The following PABPC1 variants were observed in gnomAD, a reference collection of about 807,000 sequenced individuals.
PABPC1 encodes the protein poly(A) binding protein cytoplasmic 1.
A neutral mutation model predicts 74.0 loss-of-function variants in PABPC1; 4 were observed. The ratio of observed to expected loss-of-function variants is 0.05; its 90% CI spans 0.03 to 0.12. The LOEUF is 0.12. Among genes scored for constraint, PABPC1 ranks in the 10% least tolerant of loss-of-function variants. The pLI, the probability that PABPC1 is intolerant of heterozygous loss-of-function variation, is 1.00. For missense variants in PABPC1, 271 were observed against 821.1 expected, an observed-to-expected ratio of 0.33 and a Z score of 8.19; for synonymous variants, 227 against 264.1, an observed-to-expected ratio of 0.86 and a Z score of 1.36.
chr8:100,709,118 AG>A lies in PABPC1; in HGVS notation c.1336+14del, dbSNP rs749827301. On this transcript the variant is annotated intron_variant, in intron 9 of 14. Transcript: ENST00000318607. ...AACTCAATCCCCAACCTTAATTAAAAGAAAAAAGACTTACGATGAGGTCTGG... is the reference window on the plus strand; with the variant it reads ...AACTCAATCCCCAACCTTAATTAAAAAAAAAAGACTTACGATGAGGTCTGG... The A allele has an allele frequency of 6.3e-7, 1 of 1,580,564 alleles. No homozygotes were observed. Among genetic ancestry groups the A allele is most frequent in the South Asian group, 1.1e-5 (1 of 87,706 alleles).
chr8:100,720,945 A>G (rs1295532997), intron 1 of PABPC1, among the ~76,000 whole-genome samples: 2 of 152,120 alleles, frequency 1.3e-5, no homozygotes, highest in African/African-American at 2.4e-5. Context: ...AACACGTGGT[A>G]TTTTTCGAGC....
At chr8:100,713,915 G>GA in intron 4 of PABPC1, among the ~76,000 whole-genome samples, 1 of 106,030 alleles carries the variant, frequency 9.4e-6, no homozygotes, top group East Asian at 2.5e-4. Context: ...ACAGGAATTT[G>GA]AAAGACAGGG....
chr8:100,712,276 C>G, intron 7 of PABPC1, 86 bp downstream of exon 7: 1 of 754,234 alleles, frequency 1.3e-6, no homozygotes, highest in East Asian at 2.6e-5. Flanking sequence ...TCTCTAGTGG[C>G]TATAATAATA....
chr8:100,711,019 C>T (rs535655855), intron 7 of PABPC1, among the ~76,000 whole-genome samples: 96 of 152,214 alleles, frequency 6.3e-4, no homozygotes, highest in Non-Finnish European at 1.1e-3. Flanking sequence ...CAGCCAGGCA[C>T]GGTGGCTCAC....
At chr8:100,707,273 G>T (rs1563610072) in intron 9 of PABPC1, 3 of 282,046 alleles carry the variant, frequency 1.1e-5, no homozygotes, top group South Asian at 3.5e-5. Flanking sequence ...CAGAAATAAA[G>T]ACACGAGACA....
intron 7 of PABPC1, among the ~76,000 whole-genome samples, chr8:100,710,758 G>A (rs536169180): frequency 6.7e-6 from 1 of 149,794 alleles, no homozygotes; most frequent in South Asian, 2.1e-4. Flanking sequence ...AGGCCAAGGC[G>A]GGTGGATCAC....
intron 13 of PABPC1, 73 bp downstream of exon 13, chr8:100,704,853 G>T: frequency 2.1e-6 from 3 of 1,438,772 alleles, no homozygotes; most frequent in Non-Finnish European, 2.9e-6. Context: ...TAAGTGTTCT[G>T]TACAATTAAG....
intron 5 of PABPC1, 50 bp downstream of exon 5, chr8:100,713,037 A>G (rs369021337): frequency 4.4e-5 from 58 of 1,304,052 alleles, no homozygotes; most frequent in South Asian, 9.2e-5. Flanking sequence ...TCAACACAAG[A>G]GCAACTCAAC....
chr8:100,721,488 G>T lies in PABPC1; in HGVS notation c.96C>A (p.Ser32Arg). The change falls in exon 1 of 15, where the codon AGC becomes AGA. Residue 32 changes from serine (S) to arginine (R), a missense_variant. This residue lies in a region of PABPC1 where 47 missense variants were observed against 214.1 expected (regional missense o/e 0.22). Coordinates refer to ENST00000318607, the MANE Select transcript of PABPC1 (RefSeq NM_002568.4). The surrounding 1 kb of genome is among the most constrained non-coding windows in gnomAD (Gnocchi z 7.4). Reference sequence around the variant, plus strand: ...GGATGGAGAGGATGGGCCCGGCCGGGCTGAACTTCTCGTAGAGCATCGCCT... The same window carrying T: ...GGATGGAGAGGATGGGCCCGGCCGGTCTGAACTTCTCGTAGAGCATCGCCT... ...VTEAMLYEKF[S>R]PAGPILSIRV... 1 of 1,612,036 alleles carries T rather than the reference G, an allele frequency of 6.2e-7. No homozygotes were observed. Among genetic ancestry groups the T allele is most frequent in the South Asian group, 1.1e-5 (1 of 90,940 alleles).
At chr8:100,712,943 T>G (rs1023348795) in intron 5 of PABPC1, 144 bp downstream of exon 5, 14 of 1,076,814 alleles carry the variant, frequency 1.3e-5, no homozygotes, top group Non-Finnish European at 1.8e-5. Flanking sequence ...GGTTACCAAT[T>G]TATACTCTCA....
intron 7 of PABPC1, among the ~76,000 whole-genome samples, chr8:100,711,910 G>T (rs983204739): frequency 1.3e-5 from 2 of 152,334 alleles, no homozygotes; most frequent in African/African-American, 4.8e-5. Flanking sequence ...CTTAAATCAA[G>T]ATTTCAGAAT....
intron 4 of PABPC1, 101 bp from the exon 5 acceptor site, chr8:100,713,282 C>A (rs779932129): frequency 1.6e-6 from 1 of 631,060 alleles, no homozygotes; most frequent in Non-Finnish European, 2.5e-6. Context: ...TTTCAAAGCT[C>A]CGTAACTTGA....
chr8:100,718,878 G>A (rs1810740757), intron 1 of PABPC1, among the ~76,000 whole-genome samples: 1 of 152,184 alleles, frequency 6.6e-6, no homozygotes, highest in Non-Finnish European at 1.5e-5. Context: ...TGAAAGGCTA[G>A]ACCAAGATTT....
rs1810818161 is a variant in PABPC1 at position 100,721,226 on chromosome 8, C to T, written c.193+165G>A. On this transcript the variant is annotated intron_variant, in intron 1 of 14. Coordinates refer to ENST00000318607, the MANE Select transcript of PABPC1 (RefSeq NM_002568.4). This position sits in a 1 kb window ranked among gnomAD's most constrained non-coding sequence, Gnocchi z 7.4. ...CCGGCAGCGCGGGTCCCCGCCGGCT[C>T]GGGAAACGCGGCTCCAGGGACCCCG... is the stretch of plus-strand genomic sequence containing the variant. Among the ~76,000 whole-genome samples the T allele has an allele frequency of 6.6e-6, 1 of 151,434 alleles. No individual in the cohort carries two copies. The highest frequency in any genetic ancestry group is 6.6e-5 in the Admixed American group (1 of 15,240).
intron 9 of PABPC1, among the ~76,000 whole-genome samples, chr8:100,708,587 T>C (rs1336259957): frequency 2.0e-5 from 3 of 152,196 alleles, no homozygotes; most frequent in African/African-American, 7.2e-5. Context: ...TGACAAAATA[T>C]GAAATTGGCT....
Position 100,704,695 on chromosome 8 carries a change from A to G in PABPC1, c.1818+231T>C, listed in dbSNP as rs984002527. Among the ~76,000 whole-genome samples, 5 of 152,354 alleles carry G rather than the reference A, an allele frequency of 3.3e-5. 1 individual carries two copies. Among genetic ancestry groups the G allele is most frequent in the Non-Finnish European group, 2.9e-5 (2 of 68,036 alleles). Reference sequence around the variant, plus strand: ...GGCTGTTGGAGCTGATGGGATTTGAAGCCAGGCTCTGCCACTTAAGAGCTG... The same window carrying G: ...GGCTGTTGGAGCTGATGGGATTTGAGGCCAGGCTCTGCCACTTAAGAGCTG... On this transcript the variant is annotated intron_variant, in intron 13 of 14. Coordinates refer to ENST00000318607, the MANE Select transcript of PABPC1 (RefSeq NM_002568.4).
intron 3 of PABPC1, 91 bp downstream of exon 3, chr8:100,717,682 T>A: frequency 2.6e-6 from 2 of 776,164 alleles, no homozygotes; most frequent in Non-Finnish European, 4.2e-6. Context: ...GCATCTAACT[T>A]CTCCCTGACA....
chr8:100,720,830 C>T (rs1327914560), intron 1 of PABPC1, among the ~76,000 whole-genome samples: 1 of 152,226 alleles, frequency 6.6e-6, no homozygotes, highest in Non-Finnish European at 1.5e-5. Flanking sequence ...CACCACACCA[C>T]ACATCGCCAC....
intron 9 of PABPC1, 103 bp from the exon 10 acceptor site, chr8:100,707,100 A>G (rs545251578): frequency 1.2e-6 from 1 of 817,092 alleles, no homozygotes; most frequent in Admixed American, 2.6e-5. Flanking sequence ...AAGACTAAAA[A>G]GTGACAAAAC....
Sources: allele counts gnomAD v4.1 joint callset (sites outside exome capture counted in the v4.1 genomes callset), GRCh38; gene constraint gnomAD v4.1.1; regional missense constraint gnomAD v4.1.1; non-coding constraint Gnocchi (gnomAD v3.1); transcripts MANE v1.5; gene names NCBI Gene and HGNC (gene_info 2026-07-23, HGNC 2026-07-21).